UBR3: variants seen among roughly 807,000 people sequenced by gnomAD.
UBR3 encodes the protein E3 ubiquitin-protein ligase UBR3.
A neutral mutation model predicts 243.2 loss-of-function variants in UBR3; 85 were observed. The observed-to-expected ratio is 0.35, with a 90% CI of 0.29 to 0.42. The LOEUF is 0.42. Among genes scored for constraint, UBR3 ranks in the 10% least tolerant of loss-of-function variants. The pLI is 1.00. For missense variants in UBR3, 1,686 were observed against 2,300.8 expected (o/e 0.73, Z 5.47); for synonymous variants, 748 against 799.8 (o/e 0.94, Z 1.09).
At chr2:169,849,469 A>G (rs1380024462) in intron 1 of UBR3, among the ~76,000 whole-genome samples, 1 of 152,112 alleles carries the variant, frequency 6.6e-6, no homozygotes, top group Non-Finnish European at 1.5e-5. Context: ...TAGTTTTTCT[A>G]TTTTTAGAAG....
chr2:169,980,442 A>G (rs1384117162), intron 24 of UBR3, among the ~76,000 whole-genome samples: 1 of 152,158 alleles, frequency 6.6e-6, no homozygotes, highest in African/African-American at 2.4e-5. Flanking sequence ...AGAAACTGGA[A>G]TGGGGAGTTA....
intron 20 of UBR3, among the ~76,000 whole-genome samples, chr2:169,945,782 A>G (rs991369742): frequency 6.6e-5 from 10 of 152,174 alleles, no homozygotes; most frequent in Non-Finnish European, 1.2e-4. Context: ...AGATGTATCA[A>G]ATTTTCCTCA....
chr2:169,992,992 C>G (rs2089337155), intron 25 of UBR3, among the ~76,000 whole-genome samples: 1 of 152,136 alleles, frequency 6.6e-6, no homozygotes, highest in South Asian at 2.1e-4. Context: ...AACTTCTGGC[C>G]TCAAGTAGTC....
At chr2:170,039,894 A>C (rs552340760) in intron 31 of UBR3, among the ~76,000 whole-genome samples, 84 of 151,984 alleles carry the variant, frequency 5.5e-4, no homozygotes, top group Non-Finnish European at 1.1e-3. Flanking sequence ...TTTATAGTGT[A>C]CTTTTTAAAA....
intron 30 of UBR3, among the ~76,000 whole-genome samples, chr2:170,019,174 A>G (rs1368120021): frequency 2.0e-5 from 3 of 151,972 alleles, no homozygotes; most frequent in African/African-American, 7.2e-5. Flanking sequence ...AGTCAAGAAG[A>G]GGATAAGGCA....
intron 32 of UBR3, among the ~76,000 whole-genome samples, chr2:170,053,304 A>C (rs1477970722): frequency 6.6e-6 from 1 of 152,184 alleles, no homozygotes; most frequent in African/African-American, 2.4e-5. Flanking sequence ...GGTATGTACT[A>C]GGAAGAGAGT....
At chr2:169,875,621 G>C (rs1477452499) in intron 2 of UBR3, among the ~76,000 whole-genome samples, 170 bp from the exon 3 acceptor site, 2 of 152,176 alleles carry the variant, frequency 1.3e-5, no homozygotes, top group African/African-American at 4.8e-5. Context: ...TGCTTGGCTA[G>C]GTGCTGGGCA....
chr2:169,954,327 A>G (rs933638858), intron 23 of UBR3, among the ~76,000 whole-genome samples: 1 of 151,698 alleles, frequency 6.6e-6, no homozygotes, highest in Non-Finnish European at 1.5e-5. Flanking sequence ...TGCAGCCTTG[A>G]CCTCCTAGGC....
At chr2:169,981,355 T>C (rs563432909) in intron 24 of UBR3, among the ~76,000 whole-genome samples, 1 of 152,242 alleles carries the variant, frequency 6.6e-6, no homozygotes, top group South Asian at 2.1e-4. Context: ...GTTAATATTA[T>C]GTACCCTTGA....
chr2:169,833,928 G>A (rs977073104), intron 1 of UBR3, among the ~76,000 whole-genome samples: 2 of 151,920 alleles, frequency 1.3e-5, no homozygotes, highest in African/African-American at 4.8e-5. Flanking sequence ...GACTGTAGGC[G>A]CACACCACCA....
chr2:170,025,328 T>C (rs75521701), intron 30 of UBR3, among the ~76,000 whole-genome samples: 1 of 152,210 alleles, frequency 6.6e-6, no homozygotes, highest in Non-Finnish European at 1.5e-5. Context: ...AGTAAGGGGA[T>C]AATCTGATCT....
chr2:169,977,354 A>G (rs77705797), intron 24 of UBR3, among the ~76,000 whole-genome samples: 1 of 152,284 alleles, frequency 6.6e-6, no homozygotes, highest in Admixed American at 6.5e-5. Flanking sequence ...TGGCTTACAT[A>G]ATTACAAAGG....
At chr2:169,927,536 C>T in intron 17 of UBR3, 131 bp downstream of exon 17, 1 of 692,230 alleles carries the variant, frequency 1.4e-6, no homozygotes, top group Non-Finnish European at 2.3e-6. Context: ...AAGAAGAACA[C>T]CAGTTGTGTG....
intron 24 of UBR3, chr2:169,965,004 A>G (rs2087743515): frequency 2.2e-6 from 1 of 456,376 alleles, no homozygotes; most frequent in Non-Finnish European, 4.4e-6. Flanking sequence ...TCATTTGTTT[A>G]TGTTGGCCAT....
chr2:169,841,789 T>C (rs2082300841), intron 1 of UBR3, among the ~76,000 whole-genome samples: 1 of 152,250 alleles, frequency 6.6e-6, no homozygotes, highest in Non-Finnish European at 1.5e-5. Context: ...GCTCGGGACC[T>C]GCAGCCCGCC....
intron 31 of UBR3, among the ~76,000 whole-genome samples, chr2:170,034,882 G>A (rs1196479452): frequency 2.0e-5 from 3 of 151,868 alleles, no homozygotes; most frequent in Non-Finnish European, 4.4e-5. Flanking sequence ...GGAATGTAGT[G>A]GTATCTCATT....
At chr2:169,913,558 G>C (rs1378596549) in intron 10 of UBR3, among the ~76,000 whole-genome samples, 1 of 152,056 alleles carries the variant, frequency 6.6e-6, no homozygotes, top group African/African-American at 2.4e-5. Context: ...GTTACTTACA[G>C]TCCACATATG....
intron 35 of UBR3, among the ~76,000 whole-genome samples, chr2:170,070,974 C>T (rs1161403618): frequency 6.6e-6 from 1 of 152,076 alleles, no homozygotes; most frequent in Non-Finnish European, 1.5e-5. Context: ...TGAATAGATA[C>T]TTCTTAAGAG....
At chr2:170,074,999 A>G (rs2105458165) in intron 36 of UBR3, among the ~76,000 whole-genome samples, 1 of 152,304 alleles carries the variant, frequency 6.6e-6, no homozygotes, top group South Asian at 2.1e-4. Flanking sequence ...AGTTTCAGGG[A>G]AAGTGAGAAT....
Sources: allele counts gnomAD v4.1 joint callset (sites outside exome capture counted in the v4.1 genomes callset), GRCh38; gene constraint gnomAD v4.1.1; transcripts MANE v1.5; gene names NCBI Gene and HGNC (gene_info 2026-07-23, HGNC 2026-07-21).